Variants in GLG1 observed in about 807,000 individuals in gnomAD.
The protein encoded by GLG1 is golgi glycoprotein 1.
Under a neutral mutation model 160.5 loss-of-function variants are expected in GLG1, and 38 were observed. That is an observed-to-expected ratio of 0.24 (90% CI 0.18 to 0.31). The LOEUF (loss-of-function observed/expected upper bound fraction) is 0.31, where lower values mean the gene tolerates loss of function less well. GLG1 is among the 10% of genes least tolerant of loss of function. The probability of loss-of-function intolerance (pLI) is 1.00; values close to 1 mark genes in which losing one functional copy is unlikely to be tolerated. For missense variants in GLG1, 1,373 were observed against 1,505.2 expected, an observed-to-expected ratio of 0.91 and a Z score of 1.45; for synonymous variants, 644 against 543.4, an observed-to-expected ratio of 1.19 and a Z score of -2.57.
At chr16:74,565,079 CTGTA>C (rs1373932641) in intron 1 of GLG1, among the ~76,000 whole-genome samples, 2 of 152,190 alleles carry the variant, frequency 1.3e-5, no homozygotes, top group Admixed American at 1.3e-4. Flanking sequence ...TGGCTCATGC[CTGTA>C]ATCCCAACAC....
intron 2 of GLG1, among the ~76,000 whole-genome samples, chr16:74,529,001 C>G (rs2017439944): frequency 6.9e-6 from 1 of 145,574 alleles, no homozygotes. Context: ...GAATCTCGCT[C>G]TGTTGCCCAG....
At chr16:74,496,775 G>T in intron 4 of GLG1, 131 bp from the exon 5 acceptor site, 1 of 646,398 alleles carries the variant, frequency 1.5e-6, no homozygotes, top group Non-Finnish European at 2.7e-6. Context: ...TCATAGAGTT[G>T]ACTTATTAAC....
chr16:74,479,417 T>A (rs1009297735), intron 11 of GLG1, among the ~76,000 whole-genome samples: 2 of 146,472 alleles, frequency 1.4e-5, no homozygotes, highest in Non-Finnish European at 3.0e-5. Context: ...GGAGCCCCCA[T>A]GGTTAATGAG....
At chr16:74,540,008 TA>T (rs1450556980) in intron 1 of GLG1, among the ~76,000 whole-genome samples, 968 of 1,910 alleles carry the variant, frequency 0.51, 351 homozygotes, top group African/African-American at 0.53. Flanking sequence ...TATATATATA[TA>T]TTTTATATAT....
At chr16:74,469,170 G>A in intron 16 of GLG1, 107 bp from the exon 17 acceptor site, 1 of 743,276 alleles carries the variant, frequency 1.3e-6, no homozygotes, top group South Asian at 1.5e-5. Flanking sequence ...ATGCCCTTTG[G>A]GGGAATGTCT....
At chr16:74,543,286 GAA>G (rs975729814) in intron 1 of GLG1, among the ~76,000 whole-genome samples, 1 of 152,170 alleles carries the variant, frequency 6.6e-6, no homozygotes, top group African/African-American at 2.4e-5. Flanking sequence ...GCTAAATTGG[GAA>G]AAAAATTTAA....
rs1243165745 is a variant in GLG1, at chr16:74,447,789, GC to G, written c.*5377del. The stretch of plus-strand genomic sequence containing the variant: ...CGCTGCCGGCTTTCCGGAGGTCTCT[GC>G]CCAGTGCACTGCAGGGGGACCTGGA... On this transcript the variant is annotated 3_prime_UTR_variant, in exon 26 of 26. Coordinates refer to ENST00000422840, the MANE Select transcript of GLG1 (RefSeq NM_001145667.2). 6.6e-6 allele frequency: 1 copy of G among 152,342 alleles called. No homozygotes were observed. Among genetic ancestry groups the G allele is most frequent in the Non-Finnish European group, 1.5e-5 (1 of 68,122 alleles). 9.4% of individuals were successfully genotyped at this position (152,342 alleles called of 1,614,324 possible).
At chr16:74,513,369 G>A (rs941124486) in intron 2 of GLG1, among the ~76,000 whole-genome samples, 1 of 152,100 alleles carries the variant, frequency 6.6e-6, no homozygotes, top group African/African-American at 2.4e-5. Flanking sequence ...TCAGCCTACT[G>A]GGAGACACCT....
At chr16:74,487,702 C>A (rs1487364537) in intron 8 of GLG1, among the ~76,000 whole-genome samples, 1 of 152,020 alleles carries the variant, frequency 6.6e-6, no homozygotes, top group South Asian at 2.1e-4. Context: ...GTCTGCAAGT[C>A]TCTGCAAGAA....
chr16:74,521,069 G>T (rs1238457125), intron 2 of GLG1, among the ~76,000 whole-genome samples: 1 of 152,180 alleles, frequency 6.6e-6, no homozygotes. Context: ...GAAGGAAAAT[G>T]AATAGCCACG....
chr16:74,606,527 G>C (rs1958570136), intron 1 of GLG1, 130 bp downstream of exon 1: 1 of 710,390 alleles, frequency 1.4e-6, no homozygotes, highest in Non-Finnish European at 2.3e-6. Flanking sequence ...GAGGAGCAAA[G>C]AGGGAAGGAG....
At chr16:74,474,285 A>G (rs769956187) in intron 13 of GLG1, 2 of 350,410 alleles carry the variant, frequency 5.7e-6, no homozygotes, top group East Asian at 4.7e-5. Context: ...AAACAGAGGC[A>G]AGTCTAATGA....
In GLG1 at chr16:74,452,608, G is replaced by A. The variant is rs1367849357; in HGVS notation, c.*559C>T. ...GGGAACGGCTGCCCACCCACGCCTCGGTGAAGACCACGGCCCTGGCGAGGC... is the reference window on the plus strand; with the variant it reads ...GGGAACGGCTGCCCACCCACGCCTCAGTGAAGACCACGGCCCTGGCGAGGC... On this transcript the variant is annotated 3_prime_UTR_variant, in exon 26 of 26. Coordinates refer to ENST00000422840, the MANE Select transcript of GLG1 (RefSeq NM_001145667.2). 2 of 1,001,402 alleles carry A rather than the reference G, an allele frequency of 2.0e-6. No individual in the cohort carries two copies. Among genetic ancestry groups the A allele is most frequent in the East Asian group, 1.0e-4 (1 of 9,882 alleles). 62.0% of individuals were successfully genotyped at this position (1,001,402 alleles called of 1,614,324 possible).
At position 74,459,718 on chromosome 16, in the gene GLG1, G is replaced by C; in HGVS notation, c.3108C>G (p.Val1036=). 6.2e-7 allele frequency: 1 copy of C among 1,602,958 alleles called. No homozygotes were observed. The change falls in exon 23 of 26, where the codon GTC becomes GTG. Residue 1036 remains valine (V), a synonymous_variant. Coordinates refer to ENST00000422840, the MANE Select transcript of GLG1 (RefSeq NM_001145667.2). ...QTGQVEECLK[V]NLLKIKTELC... ...ATTCTGTTTTGATCTTGAGCAGGTT[G>C]ACCTTGAGGCACTCCTCCACCTGAC...
At chr16:74,524,519 GACA>G (rs1299516703) in intron 2 of GLG1, among the ~76,000 whole-genome samples, 2 of 151,264 alleles carry the variant, frequency 1.3e-5, no homozygotes, top group Non-Finnish European at 2.9e-5. Context: ...TTTAAGATAT[GACA>G]ACAGTACTAT....
chr16:74,578,250 TTAAAG>T (rs1036782489), intron 1 of GLG1, among the ~76,000 whole-genome samples: 6 of 152,160 alleles, frequency 3.9e-5, no homozygotes, highest in Non-Finnish European at 5.9e-5. Flanking sequence ...ATTGATCTCA[TTAAAG>T]TAGATAAAAG....
chr16:74,504,777 C>A (rs2016536713), intron 3 of GLG1, among the ~76,000 whole-genome samples: 1 of 152,166 alleles, frequency 6.6e-6, no homozygotes, highest in Non-Finnish European at 1.5e-5. Flanking sequence ...ATGGTTTAGA[C>A]ATATGATCTA....
rs562888597 is a variant in GLG1, at chr16:74,469,132, G to T, written c.2319-69C>A. The T allele has an allele frequency of 5.4e-4, 525 of 975,704 alleles. 8 individuals carry two copies. The South Asian group carries it at 5.8e-3, about 11-fold the overall frequency. The allele number at this position is 975,704 out of a possible 1,614,324, so 60.4% of individuals were successfully genotyped here. A position where few individuals can be genotyped will look rare whatever the true frequency, so the allele number is the denominator to read the frequency against. Reference sequence around the variant, plus strand: ...GCAGATGGCCTGAGAGCTGGGCTTGGGGGGGGTCACACCATTAAGAATTCA... The same window carrying T: ...GCAGATGGCCTGAGAGCTGGGCTTGTGGGGGGTCACACCATTAAGAATTCA... On this transcript the variant is annotated intron_variant, in intron 16 of 25. Transcript: ENST00000422840.
chr16:74,540,721 A>C (rs1394593146), intron 1 of GLG1, among the ~76,000 whole-genome samples: 2 of 151,464 alleles, frequency 1.3e-5, no homozygotes, highest in Admixed American at 1.3e-4. Context: ...ATTTTTACCT[A>C]AATTATGGGG....
Sources: allele counts gnomAD v4.1 joint callset (sites outside exome capture counted in the v4.1 genomes callset), GRCh38; gene constraint gnomAD v4.1.1; transcripts MANE v1.5; gene names NCBI Gene and HGNC (gene_info 2026-07-23, HGNC 2026-07-21).